PLS3: variants seen among roughly 807,000 people sequenced by gnomAD.
PLS3 encodes plastin-3.
A neutral mutation model predicts 46.5 loss-of-function variants in PLS3; 11 were observed. The observed-to-expected ratio is 0.24, with a 90% CI of 0.15 to 0.39. The LOEUF is 0.39. PLS3 is among the 10% of genes least tolerant of loss of function. The probability of loss-of-function intolerance (pLI) is 1.00; values close to 1 mark genes in which losing one functional copy is unlikely to be tolerated. For missense variants in PLS3, 308 were observed against 461.8 expected (o/e 0.67, Z 3.05); for synonymous variants, 167 against 162.2 (o/e 1.03, Z -0.22).
intron 1 of PLS3, among the ~76,000 whole-genome samples, chrX:115,607,675 G>A (rs963185773): frequency 1.8e-5 from 2 of 110,903 alleles, no homozygotes; most frequent in Admixed American, 9.6e-5. Flanking sequence ...GTTACTTTTT[G>A]TATTTTTAGT....
At position 115,628,958 on chromosome X, in the gene PLS3, A is replaced by G. The variant is rs6643990; in HGVS notation, c.238-240A>G. 4.5e-5 allele frequency among the ~76,000 whole-genome samples: 5 copies of G among 111,865 alleles called. No homozygotes were observed. In the East Asian group the frequency reaches 1.1e-3, roughly 25 times the overall value. ...TTAGTTTTTGGCTTAAAGTGAGTTC[A>G]ATGCATGTAGCGCTTAATGTTTTTG... On this transcript the variant is annotated intron_variant, in intron 3 of 15. Transcript: ENST00000355899.
At chrX:115,616,791 C>T (rs1273881246) in intron 2 of PLS3, among the ~76,000 whole-genome samples, 1 of 111,607 alleles carries the variant, frequency 9.0e-6, no homozygotes, top group Non-Finnish European at 1.9e-5. Flanking sequence ...GCTCCCTCTG[C>T]CTTCTTGTTT....
intron 1 of PLS3, among the ~76,000 whole-genome samples, chrX:115,592,679 C>A (rs782065804): frequency 8.9e-6 from 1 of 111,745 alleles, no homozygotes; most frequent in African/African-American, 3.3e-5. Flanking sequence ...GCAGTTATCA[C>A]GTATCTAGTA....
At chrX:115,599,278 A>C (rs2147462024) in intron 1 of PLS3, among the ~76,000 whole-genome samples, 1 of 102,837 alleles carries the variant, frequency 9.7e-6, no homozygotes, top group South Asian at 4.6e-4. Flanking sequence ...AGGCAGGAGG[A>C]TCACTTGAGC....
chrX:115,587,605 G>A (rs1201356921), intron 1 of PLS3, among the ~76,000 whole-genome samples: 1 of 110,826 alleles, frequency 9.0e-6, no homozygotes, highest in African/African-American at 3.3e-5. Flanking sequence ...CGTGGTGGCG[G>A]GCACCTGTAG....
At chrX:115,646,656 A>G (rs1556641742) in intron 13 of PLS3, 121 bp downstream of exon 13, 1 of 606,844 alleles carries the variant, frequency 1.6e-6, no homozygotes, top group African/African-American at 2.3e-5. Flanking sequence ...TTATATTTAC[A>G]CTCCGAAATG....
chrX:115,622,428 A>T lies in PLS3; in HGVS notation c.237+19A>T. On this transcript the variant is annotated intron_variant, in intron 3 of 15. Transcript: ENST00000355899. ...TGTTTATGTAAGTATGTGAAAATTC[A>T]CAATTATTAGAAGTAGTAGATGTTC... 1 of 1,071,699 alleles carries T rather than the reference A, an allele frequency of 9.3e-7. No individual in the cohort carries two copies. The highest frequency in any genetic ancestry group is 1.3e-6 in the Non-Finnish European group (1 of 773,942). The allele number at this position is 1,071,699 out of a possible 1,213,427, so 88.3% of individuals were successfully genotyped here.
intron 1 of PLS3, among the ~76,000 whole-genome samples, chrX:115,584,375 C>T (rs782724933): frequency 1.8e-5 from 2 of 111,786 alleles, no homozygotes; most frequent in African/African-American, 3.2e-5. Context: ...TTATTAAATA[C>T]GAAAACAGTA....
At chrX:115,561,652 A>C (rs1458387353) in intron 1 of PLS3, among the ~76,000 whole-genome samples, 1 of 111,286 alleles carries the variant, frequency 9.0e-6, no homozygotes, top group African/African-American at 3.3e-5. Flanking sequence ...GGGAGCGCAC[A>C]ACTTCCCTCT....
intron 2 of PLS3, among the ~76,000 whole-genome samples, chrX:115,619,116 G>A (rs2074624777): frequency 8.9e-6 from 1 of 111,923 alleles, no homozygotes; most frequent in South Asian, 3.7e-4. Context: ...TGTGTGAGGG[G>A]AGGGTTGTGA....
chrX:115,583,420 A>G (rs2074290264), intron 1 of PLS3, among the ~76,000 whole-genome samples: 1 of 112,978 alleles, frequency 8.9e-6, no homozygotes, highest in Non-Finnish European at 1.9e-5. Context: ...AATTATACTG[A>G]CATAGAGTGG....
At chrX:115,587,928 G>GAACTTGC (rs2147438217) in intron 1 of PLS3, among the ~76,000 whole-genome samples, 1 of 111,893 alleles carries the variant, frequency 8.9e-6, no homozygotes, top group Non-Finnish European at 1.9e-5. Context: ...AAATTTTTGA[G>GAACTTGC]AACTTGCATT....
chrX:115,567,622 C>CA lies in PLS3; in HGVS notation c.-9+6371dup, dbSNP rs200775900. 6.6e-3 allele frequency among the ~76,000 whole-genome samples: 661 copies of CA among 100,437 alleles called. 3 individuals are homozygous for CA. Among genetic ancestry groups the CA allele is most frequent in the Middle Eastern group, 0.025 (5 of 197 alleles). 87.2% of individuals were successfully genotyped at this position (100,437 alleles called of 115,157 possible). On this transcript the variant is annotated intron_variant, in intron 1 of 15. Coordinates refer to ENST00000355899, the MANE Select transcript of PLS3 (RefSeq NM_005032.7). ...AAAAACAGAAAAACAAACAAACAAA[C>CA]AAAAAAAAACAGAAAATGTGGGAAG... is the stretch of plus-strand genomic sequence containing the variant.
At chrX:115,570,503 CTTTTTTTTTTT>C (rs1166812329) in intron 1 of PLS3, among the ~76,000 whole-genome samples, 2 of 86,948 alleles carry the variant, frequency 2.3e-5, no homozygotes, top group Non-Finnish European at 4.4e-5. Flanking sequence ...TCCTACCTTC[CTTTTTTTTTTT>C]TTTTTTTTGG....
At chrX:115,573,093 C>CA (rs1163578692) in intron 1 of PLS3, among the ~76,000 whole-genome samples, 2,105 of 29,230 alleles carry the variant, frequency 0.072, 111 homozygotes, top group African/African-American at 0.16. Flanking sequence ...GACTCCGTCT[C>CA]AAAAAAAAAA....
At chrX:115,618,941 A>G (rs782657578) in intron 2 of PLS3, among the ~76,000 whole-genome samples, 53 of 112,531 alleles carry the variant, frequency 4.7e-4, no homozygotes, top group African/African-American at 1.7e-3. Flanking sequence ...GAAGTGGACA[A>G]CGTTTTGATA....
intron 1 of PLS3, among the ~76,000 whole-genome samples, chrX:115,583,800 AGTT>A (rs1188560776): frequency 8.0e-5 from 9 of 112,007 alleles, no homozygotes; most frequent in Non-Finnish European, 1.9e-5. Flanking sequence ...GTCAAAAAGT[AGTT>A]GTTTTAAAGT....
intron 1 of PLS3, chrX:115,593,645 A>G (rs2074361420): frequency 9.0e-6 from 1 of 111,634 alleles, no homozygotes. Flanking sequence ...AACTATTTTA[A>G]TATTATTTTG....
chrX:115,648,930 T>C (rs1556642104), intron 15 of PLS3, among the ~76,000 whole-genome samples: 2 of 111,543 alleles, frequency 1.8e-5, no homozygotes, highest in Non-Finnish European at 3.8e-5. Flanking sequence ...GTCTACCTTT[T>C]CTAGTTTTTG....
Sources: gnomAD v4.1 joint callset for allele counts (sites outside exome capture counted in the v4.1 genomes callset) on GRCh38, gnomAD v4.1.1 for gene constraint, MANE v1.5 for transcripts, NCBI Gene and HGNC (gene_info 2026-07-23, HGNC 2026-07-21) for gene names.